Variants in E4F1 observed in about 807,000 individuals in gnomAD.
E4F1 encodes the protein E4F transcription factor 1.
In E4F1, 30 loss-of-function variants were observed where a neutral mutation model predicts 72.9. The ratio of observed to expected loss-of-function variants is 0.41; its 90% CI spans 0.31 to 0.56. The LOEUF (loss-of-function observed/expected upper bound fraction) is 0.56. E4F1 is among the 20% of genes least tolerant of loss of function. The pLI is 0.25. For missense variants in E4F1, 1,091 were observed against 1,117.5 expected (o/e 0.98, Z 0.34); for synonymous variants, 542 against 478.2 (o/e 1.13, Z -1.74).
At chr16:2,230,659 A>T (rs1020729206) in intron 3 of E4F1, 1 of 151,780 alleles carries the variant, frequency 6.6e-6, no homozygotes, top group Admixed American at 6.6e-5. Context: ...GCGGAGGCCA[A>T]CCCGGGGCCT....
At position 2,233,591 on chromosome 16, in the gene E4F1, C is replaced by G. The variant is rs943370995; in HGVS notation, c.1210C>G (p.Pro404Ala). ...TCCTGCTGCCGGGTCCAGTCCCCAGCCCCTGGCAGTGGCAGCCCCGCAGCT... is the reference window on the plus strand; with the variant it reads ...TCCTGCTGCCGGGTCCAGTCCCCAGGCCCTGGCAGTGGCAGCCCCGCAGCT... ...PAPAAGSSPQ[P>A]LAVAAPQLPV... Residue 404 changes from proline to alanine, a missense_variant, in exon 8 of 14, where the codon CCC becomes GCC. Pro to Ala is a conservative substitution (Grantham distance 27). This residue lies in a region of E4F1 where 622 missense variants were observed against 628.0 expected (regional missense o/e 0.99). Coordinates refer to ENST00000301727, the MANE Select transcript of E4F1 (RefSeq NM_004424.5). 15 of 1,510,538 alleles carry G rather than the reference C, an allele frequency of 9.9e-6. 1 individual carries two copies. The Admixed American group carries it at 2.9e-4, about 29-fold the overall frequency. The allele number at this position is 1,510,538 out of a possible 1,614,324, so 93.6% of individuals were successfully genotyped here.
At position 2,233,851 on chromosome 16, in the gene E4F1, G is replaced by A. The variant is rs755899887; in HGVS notation, c.1267-31G>A. ...GTACTGCCAGGGCACAGCCTGCCCC[G>A]GGTGCTGGAGACCTTCCTGTGGTTC... is the stretch of plus-strand genomic sequence containing the variant. On this transcript the variant is annotated intron_variant, in intron 8 of 13. Transcript: ENST00000301727. 186 of 1,541,436 alleles carry A rather than the reference G, an allele frequency of 1.2e-4. No homozygotes were observed. In the Admixed American group the frequency reaches 1.6e-3, roughly 13 times the overall value.
At position 2,234,975 on chromosome 16, in the gene E4F1, G is replaced by A; in HGVS notation, c.1909G>A (p.Ala637Thr). The change falls in exon 12 of 14, where the codon GCT becomes ACT. Residue 637 changes from alanine (A) to threonine (T), a missense_variant. This residue lies in a region of E4F1 where 622 missense variants were observed against 628.0 expected (regional missense o/e 0.99). Coordinates refer to ENST00000301727, the MANE Select transcript of E4F1 (RefSeq NM_004424.5). ...GTTGGTGGAGTTCTCGTCCGTGGTAGCTGACACCCAGGAGTATATCATCGA... is the reference window on the plus strand; with the variant it reads ...GTTGGTGGAGTTCTCGTCCGTGGTAACTGACACCCAGGAGTATATCATCGA... ...TVLVEFSSVV[A>T]DTQEYIIEAT... The A allele has an allele frequency of 6.2e-7, 1 of 1,606,840 alleles. No individual in the cohort carries two copies. Among genetic ancestry groups the A allele is most frequent in the Non-Finnish European group, 8.5e-7 (1 of 1,177,150 alleles).
At position 2,234,265 on chromosome 16, in the gene E4F1, C is replaced by T. The variant is rs2093488341; in HGVS notation, c.1470C>T (p.Arg490=). Residue 490 remains arginine (R), a synonymous_variant, in exon 10 of 14, where the codon CGC becomes CGT. Transcript: ENST00000301727. ...AGGAGGTGCACGTGCGTGAGCGCCG[C>T]TTCCGCTGTGGCGACTGCGGGAAGC... The part of the protein sequence containing the change: ...KHQEVHVRER[R]FRCGDCGKLY... 6.2e-7 allele frequency: 1 copy of T among 1,612,936 alleles called. No homozygotes were observed. The highest frequency in any genetic ancestry group is 8.5e-7 in the Non-Finnish European group (1 of 1,179,986).
Position 2,235,697 on chromosome 16 carries a change from A to T in E4F1, c.*125A>T. On this transcript the variant is annotated 3_prime_UTR_variant, in exon 14 of 14. Coordinates refer to ENST00000301727, the MANE Select transcript of E4F1 (RefSeq NM_004424.5). ...GGAGGCGCCCCAAGACGGACAGTGTACATAAGAGTTTCTTGTTGCTTTACA... is the reference window on the plus strand; with the variant it reads ...GGAGGCGCCCCAAGACGGACAGTGTTCATAAGAGTTTCTTGTTGCTTTACA... 1.3e-6 allele frequency: 1 copy of T among 762,856 alleles called. No homozygotes were observed. 47.3% of individuals were successfully genotyped at this position (762,856 alleles called of 1,614,324 possible).
At position 2,234,174 on chromosome 16, in the gene E4F1, C is replaced by A; in HGVS notation, c.1379C>A (p.Pro460Gln). The change falls in exon 10 of 14, where the codon CCG (proline) becomes CAG (glutamine). Residue 460 changes from proline to glutamine, a missense_variant. Coordinates refer to ENST00000301727, the MANE Select transcript of E4F1 (RefSeq NM_004424.5). Reference protein sequence around the residue: ...LEAHKRGHTGPRPFACAQCGK... With the variant: ...LEAHKRGHTGQRPFACAQCGK... ...CTGATGCTGTGTGTGGCTGCAGGGC[C>A]GAGGCCGTTCGCCTGCGCGCAGTGT... 1 of 1,611,348 alleles carries A rather than the reference C, an allele frequency of 6.2e-7. No homozygotes were observed. Among genetic ancestry groups the A allele is most frequent in the Non-Finnish European group, 8.5e-7 (1 of 1,179,594 alleles).
chr16:2,233,741 A>G (rs1307017552), intron 8 of E4F1, 94 bp downstream of exon 8: 1 of 1,451,224 alleles, frequency 6.9e-7, no homozygotes, highest in Non-Finnish European at 9.3e-7. Context: ...GGCTTTCTGC[A>G]GTGACTTTGT....
rs372004326 is a variant in E4F1, at chr16:2,233,928, C to G, written c.1313C>G (p.Pro438Arg). 1.9e-6 allele frequency: 3 copies of G among 1,603,962 alleles called. No homozygotes were observed. Among genetic ancestry groups the G allele is most frequent in the African/African-American group, 1.3e-5 (1 of 74,752 alleles). Residue 438 changes from proline (P) to arginine (R), a missense_variant, in exon 9 of 14, where the codon CCT becomes CGT. By Grantham distance (103) the Pro-to-Arg change is moderately radical. Coordinates refer to ENST00000301727, the MANE Select transcript of E4F1 (RefSeq NM_004424.5). ...ASAVPRTHPC[P>R]QCSETFPTAA... ...GCGGTGCCCAGGACCCACCCATGTC[C>G]TCAGTGCAGTGAGACCTTCCCGACA...
chr16:2,233,977 G>T lies in E4F1; in HGVS notation c.1362G>T (p.Lys454Asn). 1 of 1,595,040 alleles carries T rather than the reference G, an allele frequency of 6.3e-7. No individual in the cohort carries two copies. The highest frequency in any genetic ancestry group is 1.7e-5 in the Admixed American group (1 of 57,548). ...CAGCAGCCACCCTGGAGGCCCACAA[G>T]AGGGGCCACACCGGTAGGTGATGGG... Reference protein sequence around the residue: ...FPTAATLEAHKRGHTGPRPFA... With the variant: ...FPTAATLEAHNRGHTGPRPFA... Residue 454 changes from lysine to asparagine, a missense_variant, in exon 9 of 14, where the codon AAG (lysine) becomes AAT (asparagine). Lys to Asn is a moderately conservative substitution (Grantham distance 94). Transcript: ENST00000301727.
At position 2,233,180 on chromosome 16, in the gene E4F1, A is replaced by G. The variant is rs768589395; in HGVS notation, c.1053A>G (p.Pro351=). Residue 351 remains proline (P), a synonymous_variant, in exon 7 of 14, where the codon CCA becomes CCG. Transcript: ENST00000301727. ...CCCTGGGCATGAAAGCCCTGGCCCC[A>G]GAGGTGGGGGCGACGGGGGGCCCCG... ...ELSLGMKALA[P]EPPVSQELPC... The G allele has an allele frequency of 1.2e-6, 2 of 1,600,454 alleles. No individual in the cohort carries two copies. The highest frequency in any genetic ancestry group is 1.7e-6 in the Non-Finnish European group (2 of 1,171,042).
Position 2,235,684 on chromosome 16 carries a change from AGACG to A in E4F1, c.*116_*119del, listed in dbSNP as rs2093504387. 1 of 853,562 alleles carries A rather than the reference AGACG, an allele frequency of 1.2e-6. No individual in the cohort carries two copies. Among genetic ancestry groups the A allele is most frequent in the South Asian group, 1.8e-5 (1 of 55,856 alleles). 52.9% of individuals were successfully genotyped at this position (853,562 alleles called of 1,614,324 possible). On this transcript the variant is annotated 3_prime_UTR_variant, in exon 14 of 14. Transcript: ENST00000301727. Reference sequence around the variant, plus strand: ...GATGGCACAGGATGGAGGCGCCCCAAGACGGACAGTGTACATAAGAGTTTCTTGT... The same window carrying A: ...GATGGCACAGGATGGAGGCGCCCCAAGACAGTGTACATAAGAGTTTCTTGT...
chr16:2,228,381 A>C lies in E4F1; in HGVS notation c.167A>C (p.Asp56Ala). Residue 56 changes from aspartate (D) to alanine (A), a missense_variant, in exon 2 of 14, where the codon GAT becomes GCT. Asp to Ala is a moderately radical substitution (Grantham distance 126). This residue lies in a region of E4F1 where 362 missense variants were observed against 358.6 expected (regional missense o/e 1.01). Coordinates refer to ENST00000301727, the MANE Select transcript of E4F1 (RefSeq NM_004424.5). ...PAPFSEEDED[D>A]VHRCGRCQAE... ...AGCAGGCTCGTTGCAGATGAGGACG[A>C]TGTGCACAGATGCGGCCGCTGCCAG... 6.2e-7 allele frequency: 1 copy of C among 1,613,770 alleles called. No individual in the cohort carries two copies. Among genetic ancestry groups the C allele is most frequent in the Non-Finnish European group, 8.5e-7 (1 of 1,180,006 alleles).
chr16:2,235,594 G>A lies in E4F1; in HGVS notation c.*22G>A. 1.3e-6 allele frequency: 2 copies of A among 1,556,426 alleles called. No homozygotes were observed. The highest frequency in any genetic ancestry group is 1.2e-5 in the South Asian group (1 of 83,558). On this transcript the variant is annotated 3_prime_UTR_variant, in exon 14 of 14. Transcript: ENST00000301727. ...CTAGCATGAGGTCTGCGGGGTCCTG[G>A]CCGGGCAGGGACAGGGCAGAGGACT...
chr16:2,230,928 C>T (rs1386347293), intron 3 of E4F1: 1 of 152,262 alleles, frequency 6.6e-6, no homozygotes, highest in Non-Finnish European at 1.5e-5. Context: ...CAGCCAGGCC[C>T]CTTTCCACCC....
At chr16:2,231,991 T>G (rs2141461010) in intron 3 of E4F1, 180 bp from the exon 4 acceptor site, 1 of 720,826 alleles carries the variant, frequency 1.4e-6, no homozygotes, top group Non-Finnish European at 2.3e-6. Context: ...CACCTCTCAC[T>G]CTGACCTGGA....
chr16:2,235,032 A>G (rs2093497922), intron 12 of E4F1, 31 bp downstream of exon 12: 1 of 1,611,866 alleles, frequency 6.2e-7, no homozygotes, highest in Non-Finnish European at 8.5e-7. Flanking sequence ...CCGTGCTGGG[A>G]CCCAGGGGCA....
chr16:2,226,094 A>C (rs1596753302), intron 1 of E4F1, among the ~76,000 whole-genome samples: 1 of 151,980 alleles, frequency 6.6e-6, no homozygotes, highest in East Asian at 1.9e-4. Context: ...CTCCGCCTTG[A>C]AAGAAAAAAA....
intron 3 of E4F1, chr16:2,231,784 G>GGGAGCAGTGGCA (rs910499557): frequency 1.4e-4 from 28 of 202,700 alleles, no homozygotes; most frequent in Admixed American, 3.7e-4. Flanking sequence ...CTATGTTGGT[G>GGGAGCAGTGGCA]GGAGCAGTGG....
At chr16:2,233,413 C>G (rs1474883397) in intron 7 of E4F1, 25 bp from the exon 8 acceptor site, 9 of 1,502,844 alleles carry the variant, frequency 6.0e-6, no homozygotes, top group Non-Finnish European at 7.1e-6. Flanking sequence ...GCCTGGCCAG[C>G]CTCCTCTCTC....
Sources: gnomAD v4.1 joint callset for allele counts (sites outside exome capture counted in the v4.1 genomes callset) on GRCh38, gnomAD v4.1.1 for gene constraint, gnomAD v4.1.1 regional missense constraint, MANE v1.5 for transcripts, NCBI Gene and HGNC (gene_info 2026-07-23, HGNC 2026-07-21) for gene names.